Variants in SLC37A3 observed in about 807,000 individuals in gnomAD.
The protein encoded by SLC37A3 is sugar phosphate exchanger 3.
Under a neutral mutation model 67.1 loss-of-function variants are expected in SLC37A3, and 51 were observed. The observed-to-expected ratio is 0.76, with a 90% CI of 0.61 to 0.96. SLC37A3 has a LOEUF of 0.96. Among genes scored for constraint, SLC37A3 ranks in the 40% least tolerant of loss-of-function variants. The probability of loss-of-function intolerance (pLI) is 0.00; values close to 1 mark genes in which losing one functional copy is unlikely to be tolerated. For synonymous variants in SLC37A3, 214 were observed against 231.4 expected, an observed-to-expected ratio of 0.92 and a Z score of 0.68; for missense variants, 508 against 603.0, an observed-to-expected ratio of 0.84 and a Z score of 1.65.
At chr7:140,352,022 T>C in intron 8 of SLC37A3, 40 bp downstream of exon 8, 6 of 1,569,970 alleles carry the variant, frequency 3.8e-6, no homozygotes, top group East Asian at 2.3e-5. Flanking sequence ...TCGGCCATAA[T>C]AGTAAGACAT....
chr7:140,342,891 C>CT (rs1160811798), intron 13 of SLC37A3, among the ~76,000 whole-genome samples: 1 of 152,178 alleles, frequency 6.6e-6, no homozygotes, highest in African/African-American at 2.4e-5. Flanking sequence ...ATGGGCCACT[C>CT]TTTGAGATAC....
At position 140,345,869 on chromosome 7, in the gene SLC37A3, G is replaced by A. The variant is rs143586010; in HGVS notation, c.1126C>T (p.Arg376Cys). ...TTAGTAATTGCAAAAGAATACTCAC[G>A]ACTATACCCGATGAGGGACCCAACT... ...LAVGSLIGYS[R>C]SPNDKSINAL... Residue 376 changes from arginine (R) to cysteine (C), a missense_variant and splice_region_variant, in exon 11 of 15, where the codon CGT becomes TGT. By Grantham distance (180) the Arg-to-Cys change is radical (BLOSUM62 -3). Coordinates refer to ENST00000326232, the MANE Select transcript of SLC37A3 (RefSeq NM_207113.3). 5 of 1,610,042 alleles carry A rather than the reference G, an allele frequency of 3.1e-6. No homozygotes were observed. Among genetic ancestry groups the A allele is most frequent in the African/African-American group, 1.3e-5 (1 of 74,782 alleles).
chr7:140,348,054 A>G (rs895791278), intron 10 of SLC37A3, among the ~76,000 whole-genome samples: 10 of 152,274 alleles, frequency 6.6e-5, no homozygotes, highest in South Asian at 2.1e-4. Context: ...ATAGAAAATA[A>G]TAACAATATA....
At chr7:140,365,006 A>G (rs557648400) in intron 4 of SLC37A3, among the ~76,000 whole-genome samples, 1 of 152,286 alleles carries the variant, frequency 6.6e-6, no homozygotes, top group East Asian at 1.9e-4. Context: ...CCTTGTAAAA[A>G]GTGGAATAGA....
At position 140,347,662 on chromosome 7, in the gene SLC37A3, A is replaced by G. The variant is rs368965905; in HGVS notation, c.1024+964T>C. Among the ~76,000 whole-genome samples the G allele has an allele frequency of 2.0e-5, 3 of 152,286 alleles. No homozygotes were observed. In the East Asian group the frequency reaches 5.8e-4, roughly 29 times the overall value. ...ATTGAAGGTTATTAAGATCTGGCACAGCCATGTAAGTAATACCCACTAAAA... is the reference window on the plus strand; with the variant it reads ...ATTGAAGGTTATTAAGATCTGGCACGGCCATGTAAGTAATACCCACTAAAA... On this transcript the variant is annotated intron_variant, in intron 10 of 14. Transcript: ENST00000326232.
At chr7:140,347,261 A>T (rs1267546657) in intron 10 of SLC37A3, among the ~76,000 whole-genome samples, 1 of 151,784 alleles carries the variant, frequency 6.6e-6, no homozygotes, top group African/African-American at 2.4e-5. Flanking sequence ...AAAAAAAAAA[A>T]AGAAAAAAAA....
intron 3 of SLC37A3, among the ~76,000 whole-genome samples, chr7:140,369,976 G>A (rs966252993): frequency 6.6e-6 from 1 of 152,092 alleles, no homozygotes; most frequent in African/African-American, 2.4e-5. Context: ...CAGGCATGGT[G>A]GCACATGCCT....
At chr7:140,366,149 G>C (rs770535748) in intron 4 of SLC37A3, among the ~76,000 whole-genome samples, 20 of 151,692 alleles carry the variant, frequency 1.3e-4, no homozygotes, top group Non-Finnish European at 2.2e-4. Context: ...TGAAGTATTG[G>C]CCTCAAGCAA....
intron 1 of SLC37A3, among the ~76,000 whole-genome samples, chr7:140,384,253 G>T (rs890644496): frequency 6.6e-6 from 1 of 152,144 alleles, no homozygotes; most frequent in African/African-American, 2.4e-5. Context: ...CTAATTAACT[G>T]TGTTCACATA....
intron 12 of SLC37A3, 110 bp from the exon 13 acceptor site, chr7:140,343,673 G>A: frequency 3.7e-6 from 4 of 1,075,874 alleles, no homozygotes; most frequent in Non-Finnish European, 5.3e-6. Flanking sequence ...GGAGAGAAGT[G>A]GAAAAAAAAG....
chr7:140,395,065 AC>A (rs1798864279), intron 1 of SLC37A3, among the ~76,000 whole-genome samples: 2 of 152,068 alleles, frequency 1.3e-5, no homozygotes, highest in Admixed American at 1.3e-4. Context: ...TAGAACTATC[AC>A]ACCCTTCATG....
rs558 is a variant in SLC37A3 at position 140,333,831 on chromosome 7, T to C, written c.*1581A>G. On this transcript the variant is annotated 3_prime_UTR_variant, in exon 15 of 15. Coordinates refer to ENST00000326232, the MANE Select transcript of SLC37A3 (RefSeq NM_207113.3). ...TGTCAGTAAATGAGCAATACACTGA[T>C]TGGAAATCTGCATGATTAAATAACA... 44,597 of 152,504 alleles carry C rather than the reference T, an allele frequency of 0.29. 6,857 individuals are homozygous for C. The highest frequency in any genetic ancestry group is 0.45 in the Middle Eastern group (132 of 294). 9.4% of individuals were successfully genotyped at this position (152,504 alleles called of 1,614,324 possible). A position where few individuals can be genotyped will look rare whatever the true frequency, so the allele number is the denominator to read the frequency against.
chr7:140,349,795 A>C (rs1044885306), intron 9 of SLC37A3, among the ~76,000 whole-genome samples: 2 of 152,200 alleles, frequency 1.3e-5, no homozygotes, highest in African/African-American at 4.8e-5. Flanking sequence ...TGTGAAGAAC[A>C]AAGGAACAGC....
chr7:140,362,639 T>A (rs1270241583), intron 5 of SLC37A3, among the ~76,000 whole-genome samples: 2 of 47,374 alleles, frequency 4.2e-5, no homozygotes, highest in African/African-American at 7.8e-5. Context: ...TGAGGACCCC[T>A]CTGCCCGGCC....
chr7:140,355,586 G>T, intron 7 of SLC37A3, 82 bp downstream of exon 7: 1 of 1,217,512 alleles, frequency 8.2e-7, no homozygotes, highest in Non-Finnish European at 1.2e-6. Context: ...AATGGCCACA[G>T]TATTATTTAA....
intron 13 of SLC37A3, among the ~76,000 whole-genome samples, chr7:140,342,515 C>T (rs182018546): frequency 2.4e-4 from 36 of 152,276 alleles, no homozygotes; most frequent in Non-Finnish European, 4.3e-4. Context: ...ATGTTTCATT[C>T]ACTTCCACAG....
intron 13 of SLC37A3, among the ~76,000 whole-genome samples, chr7:140,338,550 C>A (rs1047860137): frequency 1.3e-5 from 2 of 152,172 alleles, no homozygotes; most frequent in Non-Finnish European, 2.9e-5. Flanking sequence ...CTGCTTACTG[C>A]AACCTCTGTC....
chr7:140,361,508 TCCCC>T (rs1563027251), intron 5 of SLC37A3, among the ~76,000 whole-genome samples: 1 of 47,136 alleles, frequency 2.1e-5, no homozygotes, highest in Non-Finnish European at 4.1e-5. Flanking sequence ...CCCCTCCCCC[TCCCC>T]CTCCCCCTCC....
At chr7:140,341,482 A>G (rs1796360011) in intron 13 of SLC37A3, among the ~76,000 whole-genome samples, 1 of 152,174 alleles carries the variant, frequency 6.6e-6, no homozygotes, top group Admixed American at 6.5e-5. Context: ...AAGTCAGGGA[A>G]AGACGGGGTA....
Sources: allele counts gnomAD v4.1 joint callset (sites outside exome capture counted in the v4.1 genomes callset), GRCh38; gene constraint gnomAD v4.1.1; transcripts MANE v1.5; gene names NCBI Gene and HGNC (gene_info 2026-07-23, HGNC 2026-07-21).